The following RFX7 variants were observed in gnomAD, a reference collection of about 807,000 sequenced individuals.
RFX7 encodes regulatory factor X7.
Under a neutral mutation model 111.8 loss-of-function variants are expected in RFX7, and 26 were observed. That is an observed-to-expected ratio of 0.23 (90% CI 0.17 to 0.32). The LOEUF is 0.32. RFX7 is among the 10% of genes least tolerant of loss of function. RFX7 has a pLI of 1.00. For synonymous variants in RFX7, 624 were observed against 624.4 expected, an observed-to-expected ratio of 1.00 and a Z score of 0.01; for missense variants, 1,573 against 1,772.9, an observed-to-expected ratio of 0.89 and a Z score of 2.02.
At chr15:56,164,799 C>T (rs1048769911) in intron 3 of RFX7, among the ~76,000 whole-genome samples, 1 of 152,128 alleles carries the variant, frequency 6.6e-6, no homozygotes, top group Non-Finnish European at 1.5e-5. Flanking sequence ...TCATAATAGG[C>T]TTTGCTGTTC....
At chr15:56,105,445 T>C (rs751562894) in intron 5 of RFX7, among the ~76,000 whole-genome samples, 1 of 152,136 alleles carries the variant, frequency 6.6e-6, no homozygotes, top group East Asian at 1.9e-4. Flanking sequence ...TTTAAAACTA[T>C]AATAAACATT....
At chr15:56,125,792 G>A (rs1595945436) in intron 5 of RFX7, among the ~76,000 whole-genome samples, 1 of 152,048 alleles carries the variant, frequency 6.6e-6, no homozygotes, top group East Asian at 1.9e-4. Flanking sequence ...ACTTCCTCAT[G>A]GATACAAATC....
chr15:56,236,926 T>G (rs2043629734), intron 2 of RFX7, among the ~76,000 whole-genome samples: 1 of 152,176 alleles, frequency 6.6e-6, no homozygotes, highest in Admixed American at 6.5e-5. Flanking sequence ...ATATGCTCAA[T>G]AAAGATTTGC....
At chr15:56,187,411 G>C (rs1235518765) in intron 2 of RFX7, among the ~76,000 whole-genome samples, 1 of 151,834 alleles carries the variant, frequency 6.6e-6, no homozygotes, top group Non-Finnish European at 1.5e-5. Context: ...GGGTTTCACT[G>C]TGTTGCCCAG....
chr15:56,153,070 A>G (rs2042597749), intron 3 of RFX7, among the ~76,000 whole-genome samples: 1 of 152,222 alleles, frequency 6.6e-6, no homozygotes, highest in African/African-American at 2.4e-5. Context: ...AGTAATTAAT[A>G]GCCTACCAAC....
At chr15:56,197,402 T>C (rs2043154834) in intron 2 of RFX7, among the ~76,000 whole-genome samples, 1 of 152,314 alleles carries the variant, frequency 6.6e-6, no homozygotes, top group Non-Finnish European at 1.5e-5. Flanking sequence ...GCTTTTGACA[T>C]GTTTTTAAAA....
At chr15:56,239,994 T>A (rs1415618177) in intron 2 of RFX7, among the ~76,000 whole-genome samples, 1 of 112,880 alleles carries the variant, frequency 8.9e-6, no homozygotes, top group Non-Finnish European at 1.9e-5. Context: ...CTTTTTTTTT[T>A]TTTTTTTTTT....
At chr15:56,221,488 T>C (rs927453586) in intron 2 of RFX7, among the ~76,000 whole-genome samples, 10 of 152,172 alleles carry the variant, frequency 6.6e-5, no homozygotes, top group African/African-American at 1.9e-4. Flanking sequence ...AGACAGTATA[T>C]AGTTGGAGCT....
At chr15:56,134,096 C>T (rs1166348828) in intron 5 of RFX7, among the ~76,000 whole-genome samples, 1 of 152,188 alleles carries the variant, frequency 6.6e-6, no homozygotes, top group Non-Finnish European at 1.5e-5. Context: ...TTTGATATTA[C>T]TCAACTTTAA....
At chr15:56,161,307 C>A (rs2042717548) in intron 3 of RFX7, among the ~76,000 whole-genome samples, 1 of 152,034 alleles carries the variant, frequency 6.6e-6, no homozygotes, top group South Asian at 2.1e-4. Context: ...CAACTATAAT[C>A]AAGCCTGGAG....
chr15:56,243,042 T>TCTCC, intron 2 of RFX7, 83 bp downstream of exon 2: 1 of 543,104 alleles, frequency 1.8e-6, no homozygotes, highest in Non-Finnish European at 3.3e-6. Flanking sequence ...CCTCCTCCGC[T>TCTCC]CCCCCCGCCC....
At chr15:56,171,905 T>A (rs1219413230) in intron 3 of RFX7, among the ~76,000 whole-genome samples, 2 of 152,078 alleles carry the variant, frequency 1.3e-5, no homozygotes, top group Non-Finnish European at 2.9e-5. Context: ...ATTGGTATAA[T>A]GAGACTAATT....
At chr15:56,224,654 A>C (rs1170126200) in intron 2 of RFX7, among the ~76,000 whole-genome samples, 1 of 151,618 alleles carries the variant, frequency 6.6e-6, no homozygotes, top group Non-Finnish European at 1.5e-5. Context: ...CTGTCTTTTA[A>C]TAGGGATTCA....
Position 56,109,308 on chromosome 15 carries a change from G to A in RFX7, c.402-5638C>T, listed in dbSNP as rs563328277. On this transcript the variant is annotated intron_variant, in intron 5 of 9. Coordinates refer to ENST00000559447, the MANE Select transcript of RFX7 (RefSeq NM_022841.7). ...AGTGATCCGCCAGCCTCGGCCTCCCGAGGTGCCGGGATTGCAGACGGAGTC... is the reference window on the plus strand; with the variant it reads ...AGTGATCCGCCAGCCTCGGCCTCCCAAGGTGCCGGGATTGCAGACGGAGTC... Among the ~76,000 whole-genome samples the A allele has an allele frequency of 8.1e-3, 1,237 of 152,378 alleles. 7 individuals carry two copies. The highest frequency in any genetic ancestry group is 0.013 in the Non-Finnish European group (885 of 68,034).
chr15:56,209,485 A>C (rs1311672772), intron 2 of RFX7, among the ~76,000 whole-genome samples: 1 of 152,100 alleles, frequency 6.6e-6, no homozygotes, highest in African/African-American at 2.4e-5. Context: ...GTAAATAAGG[A>C]AAAAGCATCA....
At chr15:56,192,054 G>C (rs1056578959) in intron 2 of RFX7, among the ~76,000 whole-genome samples, 18 of 152,052 alleles carry the variant, frequency 1.2e-4, no homozygotes, top group African/African-American at 4.1e-4. Context: ...AATGAATTCA[G>C]GCAATTCTTT....
intron 2 of RFX7, among the ~76,000 whole-genome samples, chr15:56,241,064 T>G (rs2043683887): frequency 6.6e-6 from 1 of 152,124 alleles, no homozygotes; most frequent in African/African-American, 2.4e-5. Context: ...TAAAAATCAT[T>G]TTTGCAAATA....
chr15:56,243,069 T>G, intron 2 of RFX7, 56 bp downstream of exon 2: 6 of 586,136 alleles, frequency 1.0e-5, no homozygotes, highest in Non-Finnish European at 1.7e-5. Context: ...CCCCACCCAC[T>G]TTGCAGCAGA....
intron 2 of RFX7, among the ~76,000 whole-genome samples, chr15:56,220,333 C>T (rs1032374921): frequency 2.6e-5 from 4 of 152,176 alleles, no homozygotes; most frequent in Non-Finnish European, 4.4e-5. Context: ...TGGGTTCAAG[C>T]GATTCTTCTG....
Sources: gnomAD v4.1 joint callset for allele counts (sites outside exome capture counted in the v4.1 genomes callset) on GRCh38, gnomAD v4.1.1 for gene constraint, MANE v1.5 for transcripts, NCBI Gene and HGNC (gene_info 2026-07-23, HGNC 2026-07-21) for gene names.